ATP8B4: variants seen among roughly 807,000 people sequenced by gnomAD.
The protein encoded by ATP8B4 is ATPase phospholipid transporting 8B4 (putative), also known as probable phospholipid-transporting ATPase IM.
ATP8B4 carries 133 observed loss-of-function variants against 145.6 expected under a neutral mutation model. That is an observed-to-expected ratio of 0.91 (90% CI 0.79 to 1.05). The LOEUF is 1.05. ATP8B4 is among the 50% of genes least tolerant of loss of function. The probability of loss-of-function intolerance (pLI) is 0.00; values close to 1 mark genes in which losing one functional copy is unlikely to be tolerated. For missense variants in ATP8B4, 1,458 were observed against 1,425.2 expected (o/e 1.02, Z -0.37); for synonymous variants, 507 against 492.9 (o/e 1.03, Z -0.38).
intron 1 of ATP8B4, among the ~76,000 whole-genome samples, chr15:50,172,771 G>A (rs1237362732): frequency 2.6e-5 from 4 of 151,868 alleles, no homozygotes; most frequent in African/African-American, 9.7e-5. Flanking sequence ...TCTGAGATGT[G>A]AAGAGCGCCT....
chr15:49,946,293 C>T (rs371250905), intron 14 of ATP8B4, among the ~76,000 whole-genome samples: 16 of 152,132 alleles, frequency 1.1e-4, no homozygotes, highest in South Asian at 2.1e-4. Context: ...ATAACATTAA[C>T]GAAGGAGATG....
intron 6 of ATP8B4, among the ~76,000 whole-genome samples, chr15:50,022,137 C>T (rs2049625213): frequency 8.4e-6 from 1 of 118,820 alleles, no homozygotes; most frequent in African/African-American, 4.2e-5. Flanking sequence ...GGCTCTTTTG[C>T]ATATATGTAT....
intron 3 of ATP8B4, 140 bp from the exon 4 acceptor site, chr15:50,047,604 G>C: frequency 1.6e-6 from 1 of 633,072 alleles, no homozygotes; most frequent in Non-Finnish European, 2.8e-6. Context: ...GTGGCTCAAG[G>C]CCTTCATTTT....
At chr15:50,174,951 A>G (rs1259478601) in intron 1 of ATP8B4, among the ~76,000 whole-genome samples, 1 of 152,244 alleles carries the variant, frequency 6.6e-6, no homozygotes, top group Non-Finnish European at 1.5e-5. Flanking sequence ...ATAGGCACAT[A>G]GATTCATGGA....
intron 25 of ATP8B4, among the ~76,000 whole-genome samples, chr15:49,872,354 T>A (rs1200280141): frequency 6.6e-6 from 1 of 152,150 alleles, no homozygotes; most frequent in Non-Finnish European, 1.5e-5. Context: ...CACTAATTCT[T>A]TGATACTCCT....
At chr15:50,071,071 G>A (rs1178817893) in intron 3 of ATP8B4, among the ~76,000 whole-genome samples, 1 of 152,118 alleles carries the variant, frequency 6.6e-6, no homozygotes, top group African/African-American at 2.4e-5. Flanking sequence ...CAGAGATGGA[G>A]CTACCTTGTT....
chr15:50,150,473 G>A (rs1204439167), intron 1 of ATP8B4, among the ~76,000 whole-genome samples: 1 of 152,288 alleles, frequency 6.6e-6, no homozygotes, highest in Non-Finnish European at 1.5e-5. Flanking sequence ...CCTATAGTTG[G>A]ATTTTGATGT....
At chr15:50,034,367 T>G (rs999760006) in intron 6 of ATP8B4, among the ~76,000 whole-genome samples, 3 of 151,886 alleles carry the variant, frequency 2.0e-5, no homozygotes, top group African/African-American at 7.3e-5. Flanking sequence ...GTAGCTGGGA[T>G]TACCGGTGCC....
chr15:49,956,223 T>C (rs1256682581), intron 14 of ATP8B4, among the ~76,000 whole-genome samples: 5 of 152,258 alleles, frequency 3.3e-5, no homozygotes, highest in Non-Finnish European at 5.9e-5. Context: ...GTCTTAGAGA[T>C]TGTAGAATAA....
At chr15:49,939,675 T>C (rs919958871) in intron 14 of ATP8B4, among the ~76,000 whole-genome samples, 2 of 152,150 alleles carry the variant, frequency 1.3e-5, no homozygotes, top group Non-Finnish European at 2.9e-5. Context: ...ACCAGATGTA[T>C]ACAGAAAAGC....
intron 1 of ATP8B4, among the ~76,000 whole-genome samples, chr15:50,117,406 T>C (rs1167635508): frequency 2.6e-5 from 4 of 152,172 alleles, no homozygotes; most frequent in Admixed American, 2.6e-4. Context: ...TACTTTTAGA[T>C]GGTTAGTTAA....
intron 2 of ATP8B4, among the ~76,000 whole-genome samples, chr15:50,088,158 C>T (rs144741121): frequency 0.015 from 2,352 of 152,146 alleles, 12 homozygotes; most frequent in Non-Finnish European, 0.023. Context: ...GAGGCCAAGG[C>T]GGGTGGATCA....
intron 14 of ATP8B4, among the ~76,000 whole-genome samples, chr15:49,935,751 T>C (rs2041682714): frequency 6.6e-6 from 1 of 152,122 alleles, no homozygotes; most frequent in South Asian, 2.1e-4. Context: ...TTTATAAATA[T>C]TAGACCTTTT....
chr15:49,968,855 C>T (rs1003345660), intron 13 of ATP8B4, among the ~76,000 whole-genome samples: 9 of 152,042 alleles, frequency 5.9e-5, no homozygotes, highest in African/African-American at 1.9e-4. Context: ...TTATTCTAAA[C>T]CTGACCACAT....
intron 1 of ATP8B4, among the ~76,000 whole-genome samples, chr15:50,156,308 C>A (rs72737033): frequency 0.091 from 13,854 of 151,470 alleles, 798 homozygotes; most frequent in Middle Eastern, 0.14. Flanking sequence ...GAGAGCCTAA[C>A]TTTTATACAC....
intron 1 of ATP8B4, among the ~76,000 whole-genome samples, chr15:50,132,304 C>T (rs10152720): frequency 0.99 from 150,452 of 152,282 alleles, 74,345 homozygotes; most frequent in East Asian, 1. Context: ...GGGTGAAGGA[C>T]ATGAACAGAC....
In ATP8B4 at chr15:49,868,373, A is replaced by AT. The variant is rs373790618; in HGVS notation, c.3028-1890_3028-1889insA. On this transcript the variant is annotated intron_variant, in intron 25 of 27. Coordinates refer to ENST00000284509, the MANE Select transcript of ATP8B4 (RefSeq NM_024837.4). ...ATGTAAATGTAAAGGCAAAGACAGA[A>AT]AACATTAAGCTAAAAAGTATAACAT... 8.5e-3 allele frequency among the ~76,000 whole-genome samples: 1,296 copies of AT among 152,330 alleles called. 21 individuals carry two copies. The highest frequency in any genetic ancestry group is 0.029 in the African/African-American group (1,191 of 41,584).
intron 8 of ATP8B4, among the ~76,000 whole-genome samples, chr15:49,999,776 T>A (rs1188110883): frequency 6.6e-6 from 1 of 152,082 alleles, no homozygotes; most frequent in African/African-American, 2.4e-5. Flanking sequence ...ATTGAAATAG[T>A]TAAGATACAG....
intron 1 of ATP8B4, among the ~76,000 whole-genome samples, chr15:50,112,220 G>C (rs1012798612): frequency 1.3e-5 from 2 of 152,170 alleles, no homozygotes; most frequent in African/African-American, 4.8e-5. Context: ...AGTTGAGGAA[G>C]AGACAGGAAC....
Sources: allele counts gnomAD v4.1 joint callset (sites outside exome capture counted in the v4.1 genomes callset), GRCh38; gene constraint gnomAD v4.1.1; transcripts MANE v1.5; gene names NCBI Gene and HGNC (gene_info 2026-07-23, HGNC 2026-07-21).